Variants in SLC35F4 observed in about 807,000 individuals in gnomAD.
The protein encoded by SLC35F4 is solute carrier family 35 member F4.
SLC35F4 carries 24 observed loss-of-function variants against 44.2 expected under a neutral mutation model. That is an observed-to-expected ratio of 0.54 (90% CI 0.39 to 0.76). The LOEUF is 0.76. Among genes scored for constraint, SLC35F4 ranks in the 30% least tolerant of loss-of-function variants. The pLI is 0.00. For synonymous variants in SLC35F4, 238 were observed against 223.6 expected (o/e 1.06, Z -0.57); for missense variants, 562 against 586.1 (o/e 0.96, Z 0.42).
chr14:57,842,131 T>C (rs1449814894), intron 1 of SLC35F4, among the ~76,000 whole-genome samples: 1 of 152,184 alleles, frequency 6.6e-6, no homozygotes, highest in Non-Finnish European at 1.5e-5. Flanking sequence ...ACCATGTTTT[T>C]AAAAAGTAAT....
chr14:57,915,113 TA>T (rs36061727), intron 1 of SLC35F4, among the ~76,000 whole-genome samples: 39,094 of 152,016 alleles, frequency 0.26, 5,168 homozygotes, highest in East Asian at 0.41. Flanking sequence ...TGGATTGAGT[TA>T]ACACCTGAGG....
At chr14:57,810,362 T>G (rs1391277984) in intron 1 of SLC35F4, among the ~76,000 whole-genome samples, 1 of 152,246 alleles carries the variant, frequency 6.6e-6, no homozygotes, top group Non-Finnish European at 1.5e-5. Context: ...CCTTTCTGGT[T>G]CTGGGGAGCA....
At chr14:57,709,397 A>C (rs2075761015) in intron 1 of SLC35F4, among the ~76,000 whole-genome samples, 1 of 152,002 alleles carries the variant, frequency 6.6e-6, no homozygotes, top group Admixed American at 6.6e-5. Context: ...TCTCTGTATG[A>C]CCTGGTTTTT....
chr14:57,764,348 G>A (rs1179378916), intron 1 of SLC35F4, among the ~76,000 whole-genome samples: 2 of 152,072 alleles, frequency 1.3e-5, no homozygotes, highest in African/African-American at 2.4e-5. Flanking sequence ...TTATCTATCT[G>A]TAAGTTGATC....
chr14:57,728,466 T>TTTA, intron 1 of SLC35F4, among the ~76,000 whole-genome samples: 1 of 93,226 alleles, frequency 1.1e-5, no homozygotes, highest in Non-Finnish European at 2.2e-5. Flanking sequence ...TTTTTTTTTT[T>TTTA]GAGATGGAGT....
chr14:57,581,819 C>T (rs955414925), intron 3 of SLC35F4, among the ~76,000 whole-genome samples: 8 of 152,330 alleles, frequency 5.3e-5, no homozygotes, highest in African/African-American at 1.2e-4. Flanking sequence ...ACTCTGTGAA[C>T]GGGCTACAGA....
At chr14:57,572,652 TCA>T (rs2068574261) in intron 4 of SLC35F4, among the ~76,000 whole-genome samples, 1 of 152,228 alleles carries the variant, frequency 6.6e-6, no homozygotes, top group African/African-American at 2.4e-5. Flanking sequence ...GAAAATTAAT[TCA>T]GTTTTTCAGA....
intron 3 of SLC35F4, among the ~76,000 whole-genome samples, chr14:57,582,567 C>A (rs948073368): frequency 2.0e-5 from 3 of 152,188 alleles, no homozygotes; most frequent in African/African-American, 7.2e-5. Flanking sequence ...GGAAGTGATA[C>A]AATGACTGTA....
chr14:57,651,346 A>T (rs1050482341), intron 1 of SLC35F4, among the ~76,000 whole-genome samples: 1 of 152,164 alleles, frequency 6.6e-6, no homozygotes, highest in South Asian at 2.1e-4. Context: ...GACTACCAAG[A>T]ATTCTGAGAA....
intron 1 of SLC35F4, among the ~76,000 whole-genome samples, chr14:57,763,474 T>G (rs1231851520): frequency 6.6e-6 from 1 of 152,170 alleles, no homozygotes; most frequent in Admixed American, 6.5e-5. Context: ...AGTTGATGTT[T>G]ATTGGTTTTG....
intron 1 of SLC35F4, among the ~76,000 whole-genome samples, chr14:57,622,611 T>C (rs28824799): frequency 0.2 from 24,174 of 118,088 alleles, 1,965 homozygotes; most frequent in Middle Eastern, 0.26. Context: ...TAGGTGGGAA[T>C]TGAACAATGA....
At chr14:57,882,216 G>A (rs975697929) in intron 1 of SLC35F4, among the ~76,000 whole-genome samples, 6 of 152,142 alleles carry the variant, frequency 3.9e-5, no homozygotes, top group Non-Finnish European at 7.3e-5. Flanking sequence ...GAACTCCTGA[G>A]TCCCTTCCAT....
chr14:57,684,847 C>T (rs1048275116), intron 1 of SLC35F4, among the ~76,000 whole-genome samples: 3 of 152,160 alleles, frequency 2.0e-5, no homozygotes, highest in Non-Finnish European at 2.9e-5. Context: ...CTTTTGTCCT[C>T]TCTCTCAGGA....
chr14:57,771,129 T>C (rs2077354036), intron 1 of SLC35F4, among the ~76,000 whole-genome samples: 1 of 152,186 alleles, frequency 6.6e-6, no homozygotes, highest in Non-Finnish European at 1.5e-5. Flanking sequence ...TTTCACCTCA[T>C]ATTCTTCTAA....
At chr14:57,851,754 CA>C (rs1886589594) in intron 1 of SLC35F4, among the ~76,000 whole-genome samples, 1 of 152,100 alleles carries the variant, frequency 6.6e-6, no homozygotes, top group Non-Finnish European at 1.5e-5. Flanking sequence ...TGGTGAAATC[CA>C]AATAAAATCT....
At chr14:57,739,634 C>T (rs2076555210) in intron 1 of SLC35F4, among the ~76,000 whole-genome samples, 1 of 152,182 alleles carries the variant, frequency 6.6e-6, no homozygotes, top group South Asian at 2.1e-4. Context: ...GCAGAATGGG[C>T]CTGGCATCCT....
At chr14:57,778,605 G>A (rs1429973017) in intron 1 of SLC35F4, among the ~76,000 whole-genome samples, 4 of 151,906 alleles carry the variant, frequency 2.6e-5, no homozygotes, top group Admixed American at 6.6e-5. Context: ...ACCTGAACTC[G>A]ACACTGGACC....
intron 1 of SLC35F4, among the ~76,000 whole-genome samples, chr14:57,778,096 C>G (rs1163194466): frequency 6.6e-6 from 1 of 152,136 alleles, no homozygotes; most frequent in African/African-American, 2.4e-5. Context: ...GTAAATGAGT[C>G]TAACAAGATC....
intron 1 of SLC35F4, among the ~76,000 whole-genome samples, chr14:57,941,048 T>C (rs905163705): frequency 6.6e-6 from 1 of 152,184 alleles, no homozygotes; most frequent in African/African-American, 2.4e-5. Flanking sequence ...GAAAAATTAG[T>C]GTTGGCAAGA....
Sources: allele counts gnomAD v4.1 joint callset (sites outside exome capture counted in the v4.1 genomes callset), GRCh38; gene constraint gnomAD v4.1.1; transcripts MANE v1.5; gene names NCBI Gene and HGNC (gene_info 2026-07-23, HGNC 2026-07-21).